Variants in CDH12 observed in about 807,000 individuals in gnomAD.
CDH12 encodes the protein cadherin 12.
A neutral mutation model predicts 74.1 loss-of-function variants in CDH12; 41 were observed. The ratio of observed to expected loss-of-function variants is 0.55; its 90% CI spans 0.43 to 0.72. CDH12 has a LOEUF of 0.72. Ranked by LOEUF, CDH12 falls within the 30% of genes least tolerant of loss-of-function variation. CDH12 has a pLI of 0.00. For missense variants in CDH12, 945 were observed against 977.2 expected (o/e 0.97, Z 0.44); for synonymous variants, 399 against 355.0 (o/e 1.12, Z -1.39).
chr5:22,423,728 G>A (rs569479647), intron 2 of CDH12, among the ~76,000 whole-genome samples: 2 of 152,234 alleles, frequency 1.3e-5, no homozygotes, highest in East Asian at 3.9e-4. Context: ...GACTGGCCGG[G>A]CGCAGCGGCT....
chr5:22,696,721 T>C (rs767361662), intron 1 of CDH12, among the ~76,000 whole-genome samples: 3 of 152,148 alleles, frequency 2.0e-5, no homozygotes, highest in Non-Finnish European at 4.4e-5. Context: ...TCTGAAGATG[T>C]TTCTTCTTTC....
At chr5:22,585,532 C>T (rs1427151316) in intron 1 of CDH12, among the ~76,000 whole-genome samples, 2 of 152,182 alleles carry the variant, frequency 1.3e-5, no homozygotes, top group South Asian at 2.1e-4. Context: ...AAATCCCCTC[C>T]CTACTCAAAT....
chr5:22,009,198 A>T (rs556283421), intron 5 of CDH12, among the ~76,000 whole-genome samples: 1 of 152,310 alleles, frequency 6.6e-6, no homozygotes, highest in African/African-American at 2.4e-5. Flanking sequence ...CACTAAGGCC[A>T]TGTTCTTTCA....
At chr5:22,692,902 C>T (rs573521432) in intron 1 of CDH12, among the ~76,000 whole-genome samples, 201 of 152,002 alleles carry the variant, frequency 1.3e-3, no homozygotes, top group Non-Finnish European at 2.5e-3. Flanking sequence ...GATGAACAAA[C>T]AGATATTTCA....
At chr5:21,918,906 T>C (rs1239813951) in intron 6 of CDH12, among the ~76,000 whole-genome samples, 1 of 152,180 alleles carries the variant, frequency 6.6e-6, no homozygotes, top group African/African-American at 2.4e-5. Flanking sequence ...TCAATATCTC[T>C]AATGTATATT....
intron 3 of CDH12, among the ~76,000 whole-genome samples, chr5:22,247,484 A>G (rs1262688422): frequency 6.6e-6 from 1 of 152,038 alleles, no homozygotes; most frequent in Non-Finnish European, 1.5e-5. Context: ...AGACCAGCCT[A>G]GGCAATATGG....
chr5:21,854,652 C>T lies in CDH12; in HGVS notation c.646+19G>A, dbSNP rs1750655277. On this transcript the variant is annotated intron_variant, in intron 7 of 14. Coordinates refer to ENST00000382254, the MANE Select transcript of CDH12 (RefSeq NM_004061.5). The stretch of plus-strand genomic sequence containing the variant: ...ATTTGAAGGGCTGGTGATAATGTTG[C>T]CTCTAATAAAAAATTTACCTGTCTT... 6.3e-7 allele frequency: 1 copy of T among 1,581,996 alleles called. No homozygotes were observed. Among genetic ancestry groups the T allele is most frequent in the Non-Finnish European group, 8.6e-7 (1 of 1,162,906 alleles).
chr5:22,830,691 T>G (rs566423464), intron 1 of CDH12, among the ~76,000 whole-genome samples: 1 of 151,880 alleles, frequency 6.6e-6, no homozygotes, highest in East Asian at 1.9e-4. Context: ...ATTTTTCAAA[T>G]TGCCTTTAGA....
rs1412928370 is a variant in CDH12, at chr5:22,423,864, G to A, written c.-427-18513C>T. Among the ~76,000 whole-genome samples, 3 of 151,592 alleles carry A rather than the reference G, an allele frequency of 2.0e-5. No individual in the cohort carries two copies. In the East Asian group the frequency reaches 5.9e-4, roughly 30 times the overall value. On this transcript the variant is annotated intron_variant, in intron 2 of 14. Transcript: ENST00000382254. Reference sequence around the variant, plus strand: ...TAAAAATACAAAAAATTAGCCGGGCGTGTTGGCGGGCGCCTGTAGTCCCGG... The same window carrying A: ...TAAAAATACAAAAAATTAGCCGGGCATGTTGGCGGGCGCCTGTAGTCCCGG...
chr5:22,623,225 CA>C (rs2126843775), intron 1 of CDH12, among the ~76,000 whole-genome samples: 1 of 152,236 alleles, frequency 6.6e-6, no homozygotes, highest in African/African-American at 2.4e-5. Context: ...ACTGAATGGG[CA>C]AAAACTGGAA....
At chr5:22,116,917 G>C (rs933904299) in intron 4 of CDH12, among the ~76,000 whole-genome samples, 9 of 137,940 alleles carry the variant, frequency 6.5e-5, no homozygotes, top group African/African-American at 2.2e-4. Context: ...CATCATTACT[G>C]GTTTCCAAGT....
intron 6 of CDH12, among the ~76,000 whole-genome samples, chr5:21,878,574 C>CCA (rs1752059383): frequency 8.4e-6 from 1 of 119,752 alleles, no homozygotes; most frequent in Non-Finnish European, 1.6e-5. Flanking sequence ...ACCAAAAATA[C>CCA]AAAAAAAAAA....
chr5:21,978,434 C>T (rs555881454), intron 5 of CDH12, among the ~76,000 whole-genome samples: 10 of 152,270 alleles, frequency 6.6e-5, no homozygotes, highest in Non-Finnish European at 1.3e-4. Flanking sequence ...TGAGCCACTG[C>T]GCCCTGCCCT....
chr5:22,308,563 A>G (rs1218888528), intron 3 of CDH12, among the ~76,000 whole-genome samples: 2 of 152,204 alleles, frequency 1.3e-5, no homozygotes, highest in African/African-American at 4.8e-5. Context: ...TGTACAACCC[A>G]ATAAGTACAC....
At chr5:22,577,119 C>A (rs1412671529) in intron 1 of CDH12, among the ~76,000 whole-genome samples, 2 of 152,060 alleles carry the variant, frequency 1.3e-5, no homozygotes, top group African/African-American at 4.8e-5. Context: ...AAGCATTGGC[C>A]CAGAGACAGG....
chr5:21,894,262 C>T (rs1753020570), intron 6 of CDH12, among the ~76,000 whole-genome samples: 1 of 151,526 alleles, frequency 6.6e-6, no homozygotes, highest in South Asian at 2.1e-4. Context: ...GCCTGTAGTC[C>T]CAGTTACTCA....
At chr5:22,664,296 ACT>A (rs758216139) in intron 1 of CDH12, among the ~76,000 whole-genome samples, 4 of 152,184 alleles carry the variant, frequency 2.6e-5, no homozygotes, top group Non-Finnish European at 5.9e-5. Flanking sequence ...GGTTTAAATG[ACT>A]CACATTCAGC....
intron 5 of CDH12, among the ~76,000 whole-genome samples, chr5:22,026,803 C>A (rs1738391038): frequency 6.6e-6 from 1 of 152,134 alleles, no homozygotes; most frequent in Non-Finnish European, 1.5e-5. Context: ...AAAGTTTCTA[C>A]ACTTTCACTT....
intron 8 of CDH12, among the ~76,000 whole-genome samples, chr5:21,832,641 A>G (rs1238374824): frequency 1.3e-5 from 2 of 150,254 alleles, no homozygotes. Flanking sequence ...TAGGAATACA[A>G]TTTTGCATGA....
Sources: allele counts gnomAD v4.1 joint callset (sites outside exome capture counted in the v4.1 genomes callset), GRCh38; gene constraint gnomAD v4.1.1; transcripts MANE v1.5; gene names NCBI Gene and HGNC (gene_info 2026-07-23, HGNC 2026-07-21).